MAST4: variants seen among roughly 807,000 people sequenced by gnomAD.
MAST4 encodes the protein microtubule associated serine/threonine kinase family member 4.
In MAST4, 89 loss-of-function variants were observed where a neutral mutation model predicts 162.7. The ratio of observed to expected loss-of-function variants is 0.55; its 90% CI spans 0.46 to 0.65. MAST4 has a LOEUF of 0.65. Among genes scored for constraint, MAST4 ranks in the 30% least tolerant of loss-of-function variants. The pLI is 0.00. For synonymous variants in MAST4, 1,479 were observed against 1,361.1 expected (o/e 1.09, Z -1.91); for missense variants, 3,153 against 3,374.0 (o/e 0.93, Z 1.62).
intron 4 of MAST4, among the ~76,000 whole-genome samples, chr5:66,929,442 C>T (rs1384070244): frequency 2.0e-5 from 3 of 152,306 alleles, no homozygotes; most frequent in African/African-American, 4.8e-5. Flanking sequence ...TCAGTCTCCT[C>T]TGGACACACC....
At chr5:66,904,894 A>C (rs1171451668) in intron 4 of MAST4, among the ~76,000 whole-genome samples, 1 of 152,144 alleles carries the variant, frequency 6.6e-6, no homozygotes, top group Non-Finnish European at 1.5e-5. Context: ...TATAGTACCC[A>C]AACAGTAGTT....
intron 3 of MAST4, among the ~76,000 whole-genome samples, chr5:66,814,415 A>G (rs1051746424): frequency 1.3e-4 from 20 of 152,216 alleles, no homozygotes; most frequent in Non-Finnish European, 2.5e-4. Flanking sequence ...ATCAAGTATG[A>G]GGAGCAGCCA....
intron 1 of MAST4, among the ~76,000 whole-genome samples, chr5:66,655,918 A>G (rs1561241580): frequency 1.3e-5 from 2 of 152,242 alleles, no homozygotes; most frequent in Admixed American, 1.3e-4. Flanking sequence ...ACTGTTAGCA[A>G]TATCTCCCCC....
intron 4 of MAST4, among the ~76,000 whole-genome samples, chr5:66,953,563 A>G (rs923401960): frequency 1.3e-5 from 2 of 152,160 alleles, no homozygotes; most frequent in African/African-American, 4.8e-5. Context: ...CTGTCTATAA[A>G]AAGCCATTCC....
chr5:66,994,677 T>C (rs947115597), intron 4 of MAST4, among the ~76,000 whole-genome samples: 7 of 152,236 alleles, frequency 4.6e-5, no homozygotes, highest in African/African-American at 1.7e-4. Context: ...TCTTTACCTT[T>C]CAGTACTCTC....
At chr5:66,716,336 A>G (rs553076840) in intron 1 of MAST4, among the ~76,000 whole-genome samples, 15 of 151,586 alleles carry the variant, frequency 9.9e-5, no homozygotes, top group African/African-American at 3.2e-4. Flanking sequence ...CTCTCTCTCT[A>G]TGTGTGTGTA....
At chr5:66,723,007 T>C (rs569780645) in intron 1 of MAST4, among the ~76,000 whole-genome samples, 9 of 152,296 alleles carry the variant, frequency 5.9e-5, no homozygotes, top group East Asian at 1.9e-4. Context: ...GAGGGTGTTA[T>C]AAGCAGAAGC....
intron 4 of MAST4, among the ~76,000 whole-genome samples, chr5:67,028,636 G>A (rs1754954421): frequency 6.6e-6 from 1 of 152,156 alleles, no homozygotes; most frequent in South Asian, 2.1e-4. Flanking sequence ...AGTGGAGGTT[G>A]TGCTCATAGT....
intron 3 of MAST4, among the ~76,000 whole-genome samples, chr5:66,863,453 G>A (rs1209677096): frequency 2.6e-5 from 4 of 152,274 alleles, no homozygotes; most frequent in African/African-American, 7.2e-5. Flanking sequence ...GGTGCCTTCC[G>A]GCTTCGGTCT....
chr5:66,752,420 C>T (rs1231940525), intron 1 of MAST4, among the ~76,000 whole-genome samples: 4 of 148,244 alleles, frequency 2.7e-5, no homozygotes, highest in Non-Finnish European at 4.5e-5. Context: ...CAGAGACACA[C>T]ATAGGCTCAA....
chr5:67,164,377 C>A lies in MAST4; in HGVS notation c.5198C>A (p.Pro1733Gln). 1 of 1,613,992 alleles carries A rather than the reference C, an allele frequency of 6.2e-7. No individual in the cohort carries two copies. The highest frequency in any genetic ancestry group is 1.7e-4 in the Middle Eastern group (1 of 6,060). ...VRPTGGQQEP[P>Q]PASESRAFVS... ...CCCACGGGTGGGCAGCAGGAGCCCC[C>A]GCCGGCTTCTGAGAGCCGAGCTTTT... The change falls in exon 29 of 29, where the codon CCG becomes CAG. Residue 1733 changes from proline to glutamine, a missense_variant. Physicochemically the swap from Pro to Gln is moderately conservative, Grantham distance 76 (BLOSUM62 -1). Coordinates refer to ENST00000403625, the MANE Select transcript of MAST4 (RefSeq NM_001164664.2). The surrounding 1 kb of genome is among the most constrained non-coding windows in gnomAD (Gnocchi z 5.3).
chr5:66,634,322 G>A (rs1744967522), intron 1 of MAST4, among the ~76,000 whole-genome samples: 1 of 152,134 alleles, frequency 6.6e-6, no homozygotes, highest in Non-Finnish European at 1.5e-5. Flanking sequence ...GCCTCCCATA[G>A]TGCTGGGATT....
chr5:67,166,977 GAGA>G lies in MAST4; in HGVS notation c.7801_7803del (p.Lys2601del), dbSNP rs748350887. The G allele has an allele frequency of 5.0e-6, 8 of 1,612,482 alleles. No homozygotes were observed. The African/African-American group carries it at 5.3e-5, about 11-fold the overall frequency. ...TGACCGCCCCATCTCTCTTTCTAAT[GAGA>G]AGGACTTTGTGGTACGGCAGAGGCG... On this transcript the variant is annotated inframe_deletion, in exon 29 of 29. Coordinates refer to ENST00000403625, the MANE Select transcript of MAST4 (RefSeq NM_001164664.2).
intron 4 of MAST4, among the ~76,000 whole-genome samples, chr5:66,987,465 T>G (rs1749648800): frequency 6.6e-6 from 1 of 152,058 alleles, no homozygotes; most frequent in African/African-American, 2.4e-5. Context: ...CTTTTTTTTT[T>G]AGGTGCTCTG....
At chr5:67,004,833 T>A in intron 4 of MAST4, 1 of 599,870 alleles carries the variant, frequency 1.7e-6, no homozygotes, top group Admixed American at 2.8e-5. Flanking sequence ...TGCTCCAAGT[T>A]GTTCTTGAGA....
chr5:66,953,582 A>C (rs1215646690), intron 4 of MAST4, among the ~76,000 whole-genome samples: 1 of 152,128 alleles, frequency 6.6e-6, no homozygotes, highest in Non-Finnish European at 1.5e-5. Flanking sequence ...CCTCCTGAAA[A>C]CGGGACAGAA....
intron 4 of MAST4, among the ~76,000 whole-genome samples, chr5:66,942,416 G>C (rs912030301): frequency 1.3e-5 from 2 of 152,164 alleles, no homozygotes; most frequent in African/African-American, 4.8e-5. Flanking sequence ...GGGAATCCCA[G>C]TTAGGTTTCT....
chr5:66,736,149 C>G (rs913158640), intron 1 of MAST4, among the ~76,000 whole-genome samples: 9 of 152,018 alleles, frequency 5.9e-5, no homozygotes, highest in Non-Finnish European at 1.2e-4. Flanking sequence ...TACCATTGAT[C>G]CTTCCTTTCC....
intron 1 of MAST4, among the ~76,000 whole-genome samples, chr5:66,751,896 A>G (rs1696877154): frequency 6.7e-6 from 1 of 149,928 alleles, no homozygotes; most frequent in Admixed American, 6.6e-5. Context: ...GCCAGAGAGA[A>G]AGGTCGGGTT....
Sources: allele counts gnomAD v4.1 joint callset (sites outside exome capture counted in the v4.1 genomes callset), GRCh38; gene constraint gnomAD v4.1.1; non-coding constraint Gnocchi (gnomAD v3.1); transcripts MANE v1.5; gene names NCBI Gene and HGNC (gene_info 2026-07-23, HGNC 2026-07-21).